SCN9A: variants seen among roughly 807,000 people sequenced by gnomAD.
SCN9A encodes the protein sodium voltage-gated channel alpha subunit 9.
Under a neutral mutation model 187.0 loss-of-function variants are expected in SCN9A, and 131 were observed. That is an observed-to-expected ratio of 0.70 (90% CI 0.61 to 0.81). The LOEUF is 0.81. SCN9A is among the 30% of genes least tolerant of loss of function. The probability of loss-of-function intolerance (pLI) is 0.00; values close to 1 mark genes in which losing one functional copy is unlikely to be tolerated. For missense variants in SCN9A, 2,252 were observed against 2,396.6 expected (o/e 0.94, Z 1.26); for synonymous variants, 809 against 808.6 (o/e 1.00, Z -0.01).
intron 7 of SCN9A, among the ~76,000 whole-genome samples, chr2:166,296,407 G>A (rs1698304224): frequency 6.6e-6 from 1 of 152,186 alleles, no homozygotes; most frequent in Non-Finnish European, 1.5e-5. Context: ...AAGCCTTGCA[G>A]TTTGAGGTGC....
At chr2:166,282,756 AT>A (rs1431009139) in intron 12 of SCN9A, among the ~76,000 whole-genome samples, 1 of 152,258 alleles carries the variant, frequency 6.6e-6, no homozygotes, top group African/African-American at 2.4e-5. Context: ...ACAGGCATAG[AT>A]ATGTGCATGG....
intron 21 of SCN9A, among the ~76,000 whole-genome samples, chr2:166,229,423 T>A (rs185287009): frequency 6.6e-6 from 1 of 152,190 alleles, no homozygotes; most frequent in Non-Finnish European, 1.5e-5. Flanking sequence ...GATCCTATTA[T>A]TACCAGCATT....
rs1168558205 is a variant in SCN9A at position 166,340,594 on chromosome 2, CTTTCTTTCTT to C, written c.-50-28798_-50-28789del. On this transcript the variant is annotated intron_variant, in intron 1 of 26. Transcript: ENST00000642356. ...TCTTTCTTTCTTTCTTTCTTTCTTT[CTTTCTTTCTT>C]TTTCTTTCTTTCTTTCCTTTCTCTT... Among the ~76,000 whole-genome samples, 211 of 73,872 alleles carry C rather than the reference CTTTCTTTCTT, an allele frequency of 2.9e-3. 5 individuals are homozygous for C. The highest frequency in any genetic ancestry group is 0.011 in the African/African-American group (139 of 12,854). The allele number at this position is 73,872 out of a possible 152,430, so 48.5% of individuals were successfully genotyped here. A position where few individuals can be genotyped will look rare whatever the true frequency, so the allele number is the denominator to read the frequency against.
rs200977271 is a variant in SCN9A at position 166,274,757 on chromosome 2, G to GT, written c.2875-1883dup. Among the ~76,000 whole-genome samples, 938 of 152,204 alleles carry GT rather than the reference G, an allele frequency of 6.2e-3. 6 individuals are homozygous for GT. The highest frequency in any genetic ancestry group is 0.017 in the Middle Eastern group (5 of 294). Reference sequence around the variant, plus strand: ...AAACACTCACCAATATATCCCCTCTGTTTTTTACTATAAATCTATATTGCC... The same window carrying GT: ...AAACACTCACCAATATATCCCCTCTGTTTTTTTACTATAAATCTATATTGCC... On this transcript the variant is annotated intron_variant, in intron 16 of 26. Transcript: ENST00000642356.
At chr2:166,227,851 A>C in intron 22 of SCN9A, 128 bp from the exon 23 acceptor site, 1 of 639,154 alleles carries the variant, frequency 1.6e-6, no homozygotes, top group Admixed American at 3.0e-5. Flanking sequence ...TGTATTCAAC[A>C]TGTCCATTTA....
intron 1 of SCN9A, among the ~76,000 whole-genome samples, chr2:166,367,549 G>C (rs995147081): frequency 6.6e-6 from 1 of 152,156 alleles, no homozygotes; most frequent in Admixed American, 6.5e-5. Context: ...ACGGGCGTAA[G>C]CCACCGCGCC....
At chr2:166,271,753 G>C (rs1574842053) in intron 17 of SCN9A, among the ~76,000 whole-genome samples, 2 of 152,120 alleles carry the variant, frequency 1.3e-5, no homozygotes, top group East Asian at 1.9e-4. Flanking sequence ...AGCAACTCAG[G>C]AGGTGGAGGC....
rs765365158 is a variant in SCN9A at position 166,198,635 on chromosome 2, T to C, written c.*37A>G. 7.0e-7 allele frequency: 1 copy of C among 1,429,862 alleles called. No individual in the cohort carries two copies. The highest frequency in any genetic ancestry group is 2.5e-5 in the Admixed American group (1 of 40,068). 88.6% of individuals were successfully genotyped at this position (1,429,862 alleles called of 1,614,324 possible). A position where few individuals can be genotyped will look rare whatever the true frequency, so the allele number is the denominator to read the frequency against. On this transcript the variant is annotated 3_prime_UTR_variant, in exon 27 of 27. Transcript: ENST00000642356. ...AGTTTTATTAACACAAATAAATCAC[T>C]TTCACAGGCTGTAAACAATATATCA... is the stretch of plus-strand genomic sequence containing the variant.
chr2:166,349,407 C>T (rs938295565), intron 1 of SCN9A, among the ~76,000 whole-genome samples: 1 of 152,070 alleles, frequency 6.6e-6, no homozygotes, highest in Non-Finnish European at 1.5e-5. Flanking sequence ...GTAATGAGTT[C>T]TTTTTACTGT....
In SCN9A at chr2:166,238,251, T is replaced by C. The variant is rs1447476727; in HGVS notation, c.3644A>G (p.Tyr1215Cys). Residue 1215 changes from tyrosine (Y) to cysteine (C), a missense_variant, in exon 20 of 27, where the codon TAT (tyrosine) becomes TGT (cysteine). Tyr to Cys is a radical substitution (Grantham distance 194, BLOSUM62 -2). Transcript: ENST00000642356. Reference sequence around the variant, plus strand: ...CTTAATGGTCTTTTTCCTTTCAATATAAATATCTTCAAAAGCCTGTGGAAA... The same window carrying C: ...CTTAATGGTCTTTTTCCTTTCAATACAAATATCTTCAAAAGCCTGTGGAAA... ...SSGALAFEDI[Y>C]IERKKTIKII... 1 of 1,573,316 alleles carries C rather than the reference T, an allele frequency of 6.4e-7. No individual in the cohort carries two copies. The highest frequency in any genetic ancestry group is 1.2e-5 in the South Asian group (1 of 82,388).
chr2:166,255,118 GGAGA>G (rs35669204), intron 17 of SCN9A, among the ~76,000 whole-genome samples: 6,198 of 147,552 alleles, frequency 0.042, 170 homozygotes, highest in Non-Finnish European at 0.063. Flanking sequence ...AAGAGAGAGA[GGAGA>G]GAGAGAGAGA....
intron 21 of SCN9A, among the ~76,000 whole-genome samples, chr2:166,229,437 G>T (rs1181423785): frequency 2.0e-5 from 3 of 151,962 alleles, no homozygotes; most frequent in Non-Finnish European, 4.4e-5. Context: ...CAGCATTAAA[G>T]ATTCCCCCAT....
chr2:166,295,118 G>T (rs1698240388), intron 7 of SCN9A, among the ~76,000 whole-genome samples: 1 of 152,156 alleles, frequency 6.6e-6, no homozygotes, highest in South Asian at 2.1e-4. Flanking sequence ...TGAAAATACT[G>T]GTGAAGAGAT....
At chr2:166,360,966 C>A (rs1313519257) in intron 1 of SCN9A, among the ~76,000 whole-genome samples, 1 of 152,120 alleles carries the variant, frequency 6.6e-6, no homozygotes, top group East Asian at 1.9e-4. Flanking sequence ...AGTAAGACAG[C>A]ATAACCCAGT....
At chr2:166,370,350 T>C (rs1415171368) in intron 1 of SCN9A, among the ~76,000 whole-genome samples, 1 of 151,270 alleles carries the variant, frequency 6.6e-6, no homozygotes, top group East Asian at 1.9e-4. Context: ...GAGACCATCC[T>C]GGCTAACATG....
At chr2:166,348,026 G>A (rs1438318437) in intron 1 of SCN9A, among the ~76,000 whole-genome samples, 2 of 152,162 alleles carry the variant, frequency 1.3e-5, no homozygotes, top group Non-Finnish European at 2.9e-5. Context: ...TGTTCCAGAA[G>A]GACCAAACCT....
intron 1 of SCN9A, among the ~76,000 whole-genome samples, chr2:166,341,496 G>T (rs1574945065): frequency 6.6e-6 from 1 of 152,328 alleles, no homozygotes; most frequent in East Asian, 1.9e-4. Context: ...GACAATGAAA[G>T]AATTGGCAAC....
chr2:166,279,828 A>G (rs1487850497), intron 14 of SCN9A, among the ~76,000 whole-genome samples: 2 of 151,934 alleles, frequency 1.3e-5, no homozygotes. Flanking sequence ...TTTATAATGA[A>G]GTATTATTTT....
chr2:166,235,959 T>G (rs760480984), intron 20 of SCN9A, among the ~76,000 whole-genome samples: 1 of 152,122 alleles, frequency 6.6e-6, no homozygotes, highest in Non-Finnish European at 1.5e-5. Flanking sequence ...TAAAATAAGT[T>G]CAATTTTACT....
Sources: gnomAD v4.1 joint callset for allele counts (sites outside exome capture counted in the v4.1 genomes callset) on GRCh38, gnomAD v4.1.1 for gene constraint, MANE v1.5 for transcripts, NCBI Gene and HGNC (gene_info 2026-07-23, HGNC 2026-07-21) for gene names.